The following MANSC4 variants were observed in gnomAD, a reference collection of about 807,000 sequenced individuals.
The protein encoded by MANSC4 is MANSC domain containing 4.
In MANSC4, 11 loss-of-function variants were observed where a neutral mutation model predicts 11.4. That is an observed-to-expected ratio of 0.97 (90% CI 0.61 to 1.60). The LOEUF (loss-of-function observed/expected upper bound fraction) is 1.60. Among genes scored for constraint, MANSC4 ranks in the 40% most tolerant of loss-of-function variants. MANSC4 has a pLI of 0.00. For synonymous variants in MANSC4, 123 were observed against 147.1 expected, an observed-to-expected ratio of 0.84 and a Z score of 1.19; for missense variants, 354 against 404.6, an observed-to-expected ratio of 0.88 and a Z score of 1.07.
intron 2 of MANSC4, among the ~76,000 whole-genome samples, chr12:27,770,327 C>A (rs1470668072): frequency 6.6e-6 from 1 of 152,092 alleles, no homozygotes; most frequent in Non-Finnish European, 1.5e-5. Flanking sequence ...ATTACAGGCG[C>A]CTGCCACCAC....
Position 27,771,196 on chromosome 12 carries a change from T to A in MANSC4, c.81A>T (p.Thr27=), listed in dbSNP as rs1438549777. ...GWTSDSLCSP[T]IFYRDCWIRR... ...GGATCCAGCAGTCTCTGTAAAAAAT[T>A]GTGGGTGAGCAGAGAGAGTCTGATG... Residue 27 remains threonine (T), a synonymous_variant, in exon 2 of 4, where the codon ACA becomes ACT. Transcript: ENST00000381273. 6.4e-7 allele frequency: 1 copy of A among 1,552,078 alleles called. No homozygotes were observed. Among genetic ancestry groups the A allele is most frequent in the East Asian group, 2.4e-5 (1 of 40,924 alleles).
intron 2 of MANSC4, among the ~76,000 whole-genome samples, chr12:27,770,068 A>G (rs1445711494): frequency 6.6e-6 from 1 of 152,234 alleles, no homozygotes; most frequent in African/African-American, 2.4e-5. Context: ...GGTATTTGAC[A>G]TATATCTCCC....
intron 2 of MANSC4, among the ~76,000 whole-genome samples, chr12:27,769,475 A>C (rs1352226282): frequency 2.6e-4 from 39 of 152,304 alleles, no homozygotes; most frequent in Non-Finnish European, 7.4e-5. Context: ...CTATACGCTT[A>C]CAGTATCCCC....
At chr12:27,778,711 A>G (rs991123324) in intron 1 of MANSC4, among the ~76,000 whole-genome samples, 2 of 152,102 alleles carry the variant, frequency 1.3e-5, no homozygotes, top group Non-Finnish European at 2.9e-5. Context: ...CTTCCTCCCA[A>G]TCCTTCTCCC....
rs140351642 is a variant in MANSC4 at position 27,771,552 on chromosome 12, G to A, written c.-276C>T. Among the ~76,000 whole-genome samples the A allele has an allele frequency of 4.6e-3, 695 of 152,218 alleles. 2 individuals are homozygous for A. Among genetic ancestry groups the A allele is most frequent in the South Asian group, 0.011 (53 of 4,820 alleles). On this transcript the variant is annotated 5_prime_UTR_variant, in exon 2 of 4. It adds an upstream start codon to the 5' untranslated region. Transcript: ENST00000381273. ...ACCCTGTCCCTTAGCATCTTAAGAC[G>A]TGCATTCTCTTTTCTGCTTTTCTTC...
chr12:27,770,011 C>T (rs2062093318), intron 2 of MANSC4, among the ~76,000 whole-genome samples: 1 of 152,164 alleles, frequency 6.6e-6, no homozygotes, highest in Admixed American at 6.5e-5. Flanking sequence ...TTCCATGTGA[C>T]AGACAAAACA....
intron 1 of MANSC4, among the ~76,000 whole-genome samples, chr12:27,776,596 G>A (rs2062120665): frequency 6.6e-6 from 1 of 151,998 alleles, no homozygotes; most frequent in South Asian, 2.1e-4. Context: ...CGGGCATAGT[G>A]GCGCAGGCCT....
At position 27,763,012 on chromosome 12, in the gene MANSC4, G is replaced by T. The variant is rs1239718606; in HGVS notation, c.749C>A (p.Pro250His). 1.3e-6 allele frequency: 2 copies of T among 1,551,702 alleles called. No homozygotes were observed. Residue 250 changes from proline to histidine, a missense_variant, in exon 4 of 4, where the codon CCT (proline) becomes CAT (histidine). Transcript: ENST00000381273. Reference sequence around the variant, plus strand: ...TAATTGTTTGCTACTGTTGAGTCCAGGTGGAACAGGCATATGAGAAAGTTT... The same window carrying T: ...TAATTGTTTGCTACTGTTGAGTCCATGTGGAACAGGCATATGAGAAAGTTT... ...DTKLSHMPVP[P>H]GLNSSKQLLN...
At chr12:27,769,260 G>A (rs1206453111) in intron 2 of MANSC4, among the ~76,000 whole-genome samples, 1 of 152,224 alleles carries the variant, frequency 6.6e-6, no homozygotes, top group South Asian at 2.1e-4. Context: ...TGATGAGAAA[G>A]TAGTTGATTC....
chr12:27,773,214 C>T (rs1364301287), intron 1 of MANSC4, among the ~76,000 whole-genome samples: 1 of 152,100 alleles, frequency 6.6e-6, no homozygotes, highest in Non-Finnish European at 1.5e-5. Flanking sequence ...GGGGCTGGTG[C>T]TATTAAGAAA....
chr12:27,776,363 A>G (rs76879154), intron 1 of MANSC4, among the ~76,000 whole-genome samples: 2,706 of 152,320 alleles, frequency 0.018, 85 homozygotes, highest in African/African-American at 0.062. Flanking sequence ...ATACTGTGAT[A>G]AACATCTTGT....
At chr12:27,763,670 G>A (rs903828146) in intron 3 of MANSC4, among the ~76,000 whole-genome samples, 6 of 151,942 alleles carry the variant, frequency 3.9e-5, no homozygotes, top group Non-Finnish European at 5.9e-5. Flanking sequence ...GTACAATAGC[G>A]AGTGTTACTT....
Position 27,771,198 on chromosome 12 carries a change from T to C in MANSC4, c.79A>G (p.Thr27Ala). The change falls in exon 2 of 4, where the codon ACA becomes GCA. Residue 27 changes from threonine to alanine, a missense_variant. By Grantham distance (58) the Thr-to-Ala change is moderately conservative (BLOSUM62 0). Transcript: ENST00000381273. ...ATCCAGCAGTCTCTGTAAAAAATTG[T>C]GGGTGAGCAGAGAGAGTCTGATGTC... Reference protein sequence around the residue: ...GWTSDSLCSPTIFYRDCWIRR... With the variant: ...GWTSDSLCSPAIFYRDCWIRR... 6.4e-7 allele frequency: 1 copy of C among 1,552,058 alleles called. No individual in the cohort carries two copies.
chr12:27,769,879 A>C (rs1029899670), intron 2 of MANSC4, among the ~76,000 whole-genome samples: 3 of 152,214 alleles, frequency 2.0e-5, no homozygotes, highest in Non-Finnish European at 4.4e-5. Context: ...AAAATCTTGG[A>C]AAAATGAAAA....
At chr12:27,767,703 C>CAAA (rs1315743915) in intron 2 of MANSC4, among the ~76,000 whole-genome samples, 1 of 151,962 alleles carries the variant, frequency 6.6e-6, no homozygotes. Context: ...GTCTCAACAA[C>CAAA]AACAACAACA....
intron 2 of MANSC4, among the ~76,000 whole-genome samples, chr12:27,768,420 A>G: frequency 1.0e-5 from 1 of 100,396 alleles, no homozygotes. Context: ...AAAAAAAAAA[A>G]AAGAAAAAGA....
At position 27,762,906 on chromosome 12, in the gene MANSC4, C is replaced by T; in HGVS notation, c.855G>A (p.Trp285Ter). 1.9e-6 allele frequency: 3 copies of T among 1,552,206 alleles called. No individual in the cohort carries two copies. In the East Asian group the frequency reaches 7.3e-5, roughly 38 times the overall value. ...EDEVSVTSKT[W>*]LVSVALCTSV... ...AGGTGCAAAGGGCCACAGAAACCAG[C>T]CAAGTCTTTGAAGTCACAGATACCT... The change falls in exon 4 of 4, where the codon TGG (tryptophan) becomes TGA (stop). Residue 285 changes from tryptophan to a stop codon, truncating the protein, a stop_gained. Transcript: ENST00000381273. LOFTEE classifies it low-confidence loss of function (END_TRUNC).
chr12:27,764,524 C>T (rs1325998291), intron 3 of MANSC4, among the ~76,000 whole-genome samples: 2 of 152,200 alleles, frequency 1.3e-5, no homozygotes, highest in East Asian at 3.8e-4. Context: ...CTTGTACAAT[C>T]TCACTGGTTG....
intron 1 of MANSC4, among the ~76,000 whole-genome samples, chr12:27,776,189 A>C (rs1215934176): frequency 4.6e-5 from 7 of 152,164 alleles, no homozygotes; most frequent in African/African-American, 1.7e-4. Flanking sequence ...ACCATACCAA[A>C]ATTTACTCTG....
Sources: gnomAD v4.1 joint callset for allele counts (sites outside exome capture counted in the v4.1 genomes callset) on GRCh38, gnomAD v4.1.1 for gene constraint, MANE v1.5 for transcripts, NCBI Gene and HGNC (gene_info 2026-07-23, HGNC 2026-07-21) for gene names.